The following FMNL2 variants were observed in gnomAD, a reference collection of about 807,000 sequenced individuals.
The protein encoded by FMNL2 is formin-like protein 2.
In FMNL2, 51 loss-of-function variants were observed where a neutral mutation model predicts 130.2. That is an observed-to-expected ratio of 0.39 (90% CI 0.31 to 0.49). The LOEUF is 0.49. FMNL2 is among the 20% of genes least tolerant of loss of function. The pLI is 0.85. For synonymous variants in FMNL2, 465 were observed against 467.1 expected (o/e 1.00, Z 0.06); for missense variants, 977 against 1,316.2 (o/e 0.74, Z 3.99).
At chr2:152,452,738 A>G (rs1016349183) in intron 1 of FMNL2, among the ~76,000 whole-genome samples, 3 of 140,308 alleles carry the variant, frequency 2.1e-5, no homozygotes, top group African/African-American at 7.4e-5. Context: ...GGGCCAAGGG[A>G]TTCCTTTGCA....
At chr2:152,369,764 T>TA (rs1683767146) in intron 1 of FMNL2, among the ~76,000 whole-genome samples, 1 of 152,254 alleles carries the variant, frequency 6.6e-6, no homozygotes, top group South Asian at 2.1e-4. Flanking sequence ...GGGTTGTTCT[T>TA]ACTGCTGCTG....
intron 1 of FMNL2, among the ~76,000 whole-genome samples, chr2:152,443,620 A>C (rs896353520): frequency 1.3e-5 from 2 of 152,144 alleles, no homozygotes; most frequent in Non-Finnish European, 2.9e-5. Flanking sequence ...AGGTGGGCGG[A>C]TCACTTGAGG....
intron 2 of FMNL2, among the ~76,000 whole-genome samples, chr2:152,525,274 T>C (rs1279221508): frequency 1.3e-5 from 2 of 152,210 alleles, no homozygotes; most frequent in African/African-American, 4.8e-5. Flanking sequence ...CCTACAGAAC[T>C]TACAGGTTGT....
intron 1 of FMNL2, among the ~76,000 whole-genome samples, chr2:152,494,234 G>A (rs16831230): frequency 0.016 from 2,382 of 152,308 alleles, 72 homozygotes; most frequent in African/African-American, 0.054. Flanking sequence ...TGTATGGAGA[G>A]TGTTTTGTTG....
chr2:152,580,973 T>G lies in FMNL2; in HGVS notation c.800T>G (p.Leu267Ter). ...TTTGGCAGAACAAAAGCCCTTGTCTTAGAACTGTTGGCAGCCGTTTGTCTT... is the reference window on the plus strand; with the variant it reads ...TTTGGCAGAACAAAAGCCCTTGTCTGAGAACTGTTGGCAGCCGTTTGTCTT... ...NKNPRTKALV[L>*]ELLAAVCLVR... The change falls in exon 9 of 26, where the codon TTA (leucine) becomes TGA (stop). Residue 267 changes from leucine to a stop codon, truncating the protein, a stop_gained. Transcript: ENST00000288670. LOFTEE classifies it high-confidence loss of function. The G allele has an allele frequency of 6.2e-7, 1 of 1,613,860 alleles. No homozygotes were observed. Among genetic ancestry groups the G allele is most frequent in the Non-Finnish European group, 8.5e-7 (1 of 1,179,836 alleles).
At chr2:152,396,661 T>G (rs186675249) in intron 1 of FMNL2, among the ~76,000 whole-genome samples, 1 of 152,222 alleles carries the variant, frequency 6.6e-6, no homozygotes, top group Non-Finnish European at 1.5e-5. Flanking sequence ...TTAACAAGTA[T>G]GTTTTTATTT....
intron 10 of FMNL2, among the ~76,000 whole-genome samples, 160 bp from the exon 11 acceptor site, chr2:152,611,335 T>C (rs1435269664): frequency 6.6e-6 from 1 of 151,956 alleles, no homozygotes; most frequent in African/African-American, 2.4e-5. Flanking sequence ...CAAGACTCCA[T>C]TTCCAAAAAA....
intron 18 of FMNL2, among the ~76,000 whole-genome samples, chr2:152,629,194 G>C (rs1682000403): frequency 6.6e-6 from 1 of 152,170 alleles, no homozygotes; most frequent in South Asian, 2.1e-4. Context: ...TCTGCTTATA[G>C]TAGTATGTCT....
intron 1 of FMNL2, among the ~76,000 whole-genome samples, chr2:152,423,075 T>C (rs1218474757): frequency 6.6e-6 from 1 of 152,204 alleles, no homozygotes; most frequent in African/African-American, 2.4e-5. Context: ...TAGGCATATA[T>C]ATTTATGGGG....
At chr2:152,457,934 T>G (rs1432500964) in intron 1 of FMNL2, among the ~76,000 whole-genome samples, 1 of 152,206 alleles carries the variant, frequency 6.6e-6, no homozygotes, top group Admixed American at 6.5e-5. Flanking sequence ...TGTCCCCAGT[T>G]TTTTGGCTAC....
chr2:152,599,219 C>T (rs1305504631), intron 9 of FMNL2, among the ~76,000 whole-genome samples: 3 of 152,148 alleles, frequency 2.0e-5, no homozygotes, highest in Admixed American at 1.3e-4. Context: ...CTCAAGTTGA[C>T]GCATAAAGTT....
intron 1 of FMNL2, among the ~76,000 whole-genome samples, chr2:152,402,312 G>A (rs561477842): frequency 2.6e-3 from 391 of 152,324 alleles, no homozygotes; most frequent in Non-Finnish European, 4.2e-3. Flanking sequence ...GCGGAGTGGA[G>A]GGGAACCTGC....
chr2:152,629,039 C>T (rs1299642227), intron 18 of FMNL2, among the ~76,000 whole-genome samples: 1 of 152,230 alleles, frequency 6.6e-6, no homozygotes, highest in Non-Finnish European at 1.5e-5. Flanking sequence ...AGCCAACCAT[C>T]TCTCATTCCC....
At chr2:152,337,278 AC>A (rs1305203112) in intron 1 of FMNL2, among the ~76,000 whole-genome samples, 1 of 152,106 alleles carries the variant, frequency 6.6e-6, no homozygotes, top group Admixed American at 6.5e-5. Flanking sequence ...CCAGAGACAA[AC>A]GTTTTTCTTC....
chr2:152,403,237 C>A (rs1451970666), intron 1 of FMNL2, among the ~76,000 whole-genome samples: 4 of 147,682 alleles, frequency 2.7e-5, no homozygotes, highest in East Asian at 2.0e-4. Context: ...AAAAAAAAAA[C>A]CCACAAAACT....
chr2:152,601,363 C>T (rs1366188113), intron 9 of FMNL2, among the ~76,000 whole-genome samples: 30 of 144,818 alleles, frequency 2.1e-4, no homozygotes, highest in African/African-American at 6.1e-4. Flanking sequence ...TGCAGTGGCA[C>T]GATCTCGGCT....
intron 1 of FMNL2, among the ~76,000 whole-genome samples, chr2:152,423,323 T>C (rs1687014853): frequency 6.6e-6 from 1 of 152,186 alleles, no homozygotes; most frequent in African/African-American, 2.4e-5. Context: ...ACTCTTAATA[T>C]TTGTATTTTA....
At chr2:152,574,434 CAAAAAAAAAA>C (rs57776446) in intron 6 of FMNL2, among the ~76,000 whole-genome samples, 51 of 106,954 alleles carry the variant, frequency 4.8e-4, no homozygotes, top group Admixed American at 8.0e-4. Flanking sequence ...GACTCTGTCT[CAAAAAAAAAA>C]AAAAAAAAAA....
At chr2:152,481,515 T>C (rs1400013857) in intron 1 of FMNL2, among the ~76,000 whole-genome samples, 1 of 152,200 alleles carries the variant, frequency 6.6e-6, no homozygotes, top group Non-Finnish European at 1.5e-5. Context: ...CTGCCCAGGC[T>C]TTTCCCCCAA....
Sources: allele counts gnomAD v4.1 joint callset (sites outside exome capture counted in the v4.1 genomes callset), GRCh38; gene constraint gnomAD v4.1.1; transcripts MANE v1.5; gene names NCBI Gene and HGNC (gene_info 2026-07-23, HGNC 2026-07-21).